WDR1: variants seen among roughly 807,000 people sequenced by gnomAD.
The protein encoded by WDR1 is WD repeat domain 1.
Under a neutral mutation model 71.9 loss-of-function variants are expected in WDR1, and 21 were observed. That is an observed-to-expected ratio of 0.29 (90% CI 0.21 to 0.42). The LOEUF (loss-of-function observed/expected upper bound fraction) is 0.42. Ranked by LOEUF, WDR1 falls within the 10% of genes least tolerant of loss-of-function variation. The pLI, the probability that WDR1 is intolerant of heterozygous loss-of-function variation, is 1.00. For missense variants in WDR1, 696 were observed against 824.5 expected (o/e 0.84, Z 1.91); for synonymous variants, 424 against 347.4 (o/e 1.22, Z -2.45).
At chr4:10,097,559 C>T (rs1267388696) in intron 5 of WDR1, among the ~76,000 whole-genome samples, 152 bp downstream of exon 5, 1 of 152,228 alleles carries the variant, frequency 6.6e-6, no homozygotes, top group African/African-American at 2.4e-5. Flanking sequence ...GGGAGCCCTC[C>T]CTCTCTCTGC....
At chr4:10,082,985 G>C in intron 10 of WDR1, 37 bp downstream of exon 10, 1 of 1,583,164 alleles carries the variant, frequency 6.3e-7, no homozygotes, top group South Asian at 1.1e-5. Context: ...GGGAGCTGAG[G>C]CTCATCCGGA....
chr4:10,080,581 C>G (rs1369578553), intron 11 of WDR1, among the ~76,000 whole-genome samples: 3 of 152,260 alleles, frequency 2.0e-5, no homozygotes, highest in East Asian at 3.8e-4. Context: ...CTGAAAGCAG[C>G]TTTCTTTAGC....
At chr4:10,116,087 C>T (rs1004315941) in intron 2 of WDR1, 26 bp downstream of exon 2, 1 of 1,604,710 alleles carries the variant, frequency 6.2e-7, no homozygotes, top group African/African-American at 1.3e-5. Flanking sequence ...CGGAGCAGAA[C>T]CGCGCCCGGG....
In WDR1 at chr4:10,098,846, C is replaced by G. The variant is rs1712515551; in HGVS notation, c.377+146G>C. The G allele has an allele frequency of 1.8e-5, 22 of 1,197,200 alleles. No individual in the cohort carries two copies. In the South Asian group the frequency reaches 3.1e-4, roughly 17 times the overall value. 74.2% of individuals were successfully genotyped at this position (1,197,200 alleles called of 1,614,324 possible). A position where few individuals can be genotyped will look rare whatever the true frequency, so the allele number is the denominator to read the frequency against. ...ACCTTACCTGGGGCTGCAGCCAGCCCTCACGGGGCCCGGCACCTACTGGGA... is the reference window on the plus strand; with the variant it reads ...ACCTTACCTGGGGCTGCAGCCAGCCGTCACGGGGCCCGGCACCTACTGGGA... On this transcript the variant is annotated intron_variant, in intron 4 of 14. Transcript: ENST00000499869.
At chr4:10,101,880 T>A (rs1712702769) in intron 3 of WDR1, among the ~76,000 whole-genome samples, 1 of 152,236 alleles carries the variant, frequency 6.6e-6, no homozygotes, top group Admixed American at 6.5e-5. Flanking sequence ...ATCTTGGGGC[T>A]TTAAATGAAG....
intron 8 of WDR1, among the ~76,000 whole-genome samples, chr4:10,085,215 T>C (rs1482542989): frequency 6.6e-6 from 1 of 152,184 alleles, no homozygotes; most frequent in African/African-American, 2.4e-5. Context: ...GCCTTTCTCC[T>C]GCAAAGGGAG....
chr4:10,109,174 A>C (rs1713200665), intron 2 of WDR1, among the ~76,000 whole-genome samples: 1 of 152,266 alleles, frequency 6.6e-6, no homozygotes, highest in Non-Finnish European at 1.5e-5. Flanking sequence ...CATGACAAAG[A>C]AACCAAGGCA....
At position 10,075,354 on chromosome 4, in the gene WDR1, A is replaced by T. The variant is rs1453410490; in HGVS notation, c.*24T>A. 2.5e-6 allele frequency: 4 copies of T among 1,606,230 alleles called. No homozygotes were observed. Among genetic ancestry groups the T allele is most frequent in the Non-Finnish European group, 3.4e-6 (4 of 1,173,634 alleles). ...TAAACTCTAGTCCCTGATTCGGTCCATCCAGAGGCGGGGGTGGGGCTCCTC... is the reference window on the plus strand; with the variant it reads ...TAAACTCTAGTCCCTGATTCGGTCCTTCCAGAGGCGGGGGTGGGGCTCCTC... On this transcript the variant is annotated 3_prime_UTR_variant, in exon 15 of 15. Coordinates refer to ENST00000499869, the MANE Select transcript of WDR1 (RefSeq NM_017491.5).
chr4:10,116,400 G>A, intron 1 of WDR1, 166 bp from the exon 2 acceptor site: 2 of 1,096,032 alleles, frequency 1.8e-6, no homozygotes, highest in Non-Finnish European at 2.6e-6. Context: ...TTCCTGGTCC[G>A]CGCCCCGGGC....
At chr4:10,114,629 A>C (rs1444674382) in intron 2 of WDR1, among the ~76,000 whole-genome samples, 1 of 152,200 alleles carries the variant, frequency 6.6e-6, no homozygotes, top group Non-Finnish European at 1.5e-5. Flanking sequence ...TTGCCAAACT[A>C]CTAAATATCT....
intron 3 of WDR1, 75 bp downstream of exon 3, chr4:10,103,821 G>T: frequency 2.0e-6 from 1 of 505,110 alleles, no homozygotes; most frequent in Non-Finnish European, 3.1e-6. Context: ...AAGGCCAGAA[G>T]CCCAGCTTCG....
rs530364895 is a variant in WDR1 at position 10,085,656 on chromosome 4, G to C, written c.952-1126C>G. On this transcript the variant is annotated intron_variant, in intron 8 of 14. Coordinates refer to ENST00000499869, the MANE Select transcript of WDR1 (RefSeq NM_017491.5). ...CCAGAAACACTCCTAGCCATGCCCA[G>C]ATGCCCACGGGTGTTCCTTCTGGAG... 3.3e-5 allele frequency among the ~76,000 whole-genome samples: 5 copies of C among 152,368 alleles called. No individual in the cohort carries two copies. The South Asian group carries it at 1.0e-3, about 32-fold the overall frequency.
chr4:10,088,508 C>T (rs1711746599), intron 6 of WDR1, 135 bp from the exon 7 acceptor site: 3 of 1,127,986 alleles, frequency 2.7e-6, no homozygotes, highest in Admixed American at 2.0e-5. Context: ...AGCAGACATG[C>T]ATTTACTGGG....
Position 10,074,417 on chromosome 4 carries a change from G to C in WDR1, c.*961C>G, listed in dbSNP as rs1764718428. On this transcript the variant is annotated 3_prime_UTR_variant, in exon 15 of 15. Transcript: ENST00000499869. ...AGTGTTTTCACAAGTGCAAGGGGAGGGATTGTTCTCAGCCAACATTTACCA... is the reference window on the plus strand; with the variant it reads ...AGTGTTTTCACAAGTGCAAGGGGAGCGATTGTTCTCAGCCAACATTTACCA... The C allele has an allele frequency of 6.6e-6, 1 of 152,518 alleles. No homozygotes were observed. The highest frequency in any genetic ancestry group is 2.4e-5 in the African/African-American group (1 of 41,400). The allele number at this position is 152,518 out of a possible 1,614,324, so 9.4% of individuals were successfully genotyped here.
intron 11 of WDR1, among the ~76,000 whole-genome samples, chr4:10,080,995 G>C (rs1217795244): frequency 6.6e-6 from 1 of 152,202 alleles, no homozygotes; most frequent in Non-Finnish European, 1.5e-5. Flanking sequence ...CAGCTACAAT[G>C]CAGCAGGGCT....
intron 10 of WDR1, among the ~76,000 whole-genome samples, chr4:10,082,226 G>C (rs1052436601): frequency 2.0e-5 from 3 of 152,310 alleles, no homozygotes; most frequent in African/African-American, 7.2e-5. Context: ...AGGCAGGCAG[G>C]GCCTGTGTTA....
chr4:10,116,530 G>C (rs1394828909), intron 1 of WDR1, 121 bp downstream of exon 1: 14 of 807,794 alleles, frequency 1.7e-5, no homozygotes, highest in African/African-American at 1.9e-5. Flanking sequence ...GCCTCCGGCC[G>C]GCGCCCGCAC....
At chr4:10,094,527 C>G (rs561607418) in intron 5 of WDR1, among the ~76,000 whole-genome samples, 1 of 152,322 alleles carries the variant, frequency 6.6e-6, no homozygotes, top group South Asian at 2.1e-4. Flanking sequence ...GGTCTCGCCA[C>G]CCTCCCTTTT....
chr4:10,076,499 T>C (rs1016664606), intron 14 of WDR1: 8 of 152,272 alleles, frequency 5.3e-5, no homozygotes, highest in African/African-American at 1.9e-4. Flanking sequence ...ATTTCATTCA[T>C]GAACTTGTTT....
Sources: gnomAD v4.1 joint callset for allele counts (sites outside exome capture counted in the v4.1 genomes callset) on GRCh38, gnomAD v4.1.1 for gene constraint, MANE v1.5 for transcripts, NCBI Gene and HGNC (gene_info 2026-07-23, HGNC 2026-07-21) for gene names.